Variants in UBE2K observed in about 807,000 individuals in gnomAD.
UBE2K encodes ubiquitin conjugating enzyme E2 K, also known as ubiquitin-conjugating enzyme E2 K.
UBE2K carries 6 observed loss-of-function variants against 30.0 expected under a neutral mutation model. That is an observed-to-expected ratio of 0.20 (90% CI 0.11 to 0.39). The LOEUF (loss-of-function observed/expected upper bound fraction) is 0.39. Among genes scored for constraint, UBE2K ranks in the 10% least tolerant of loss-of-function variants. UBE2K has a pLI of 1.00. For missense variants in UBE2K, 61 were observed against 241.6 expected (o/e 0.25, Z 4.96); for synonymous variants, 86 against 83.7 (o/e 1.03, Z -0.15).
chr4:39,740,952 T>C (rs1416853779), intron 2 of UBE2K, among the ~76,000 whole-genome samples: 1 of 150,010 alleles, frequency 6.7e-6, no homozygotes, highest in Admixed American at 6.7e-5. Flanking sequence ...ATACCGAGAA[T>C]GGGACCAAAA....
chr4:39,711,862 A>G (rs1305269094), intron 1 of UBE2K, among the ~76,000 whole-genome samples: 1 of 151,510 alleles, frequency 6.6e-6, no homozygotes, highest in Non-Finnish European at 1.5e-5. Context: ...CCATGGAGAA[A>G]CCTCGTCTCT....
chr4:39,778,320 C>A, intron 6 of UBE2K, 40 bp from the exon 7 acceptor site: 1 of 1,326,616 alleles, frequency 7.5e-7, no homozygotes, highest in South Asian at 1.2e-5. Context: ...TTAAATGTTT[C>A]CTTGAGATTT....
At chr4:39,707,881 A>G (rs1336522910) in intron 1 of UBE2K, among the ~76,000 whole-genome samples, 2 of 147,392 alleles carry the variant, frequency 1.4e-5, no homozygotes, top group African/African-American at 4.9e-5. Flanking sequence ...GACAGTCCCA[A>G]AGGAATTCTG....
chr4:39,741,697 ACTT>A (rs1255974187), intron 2 of UBE2K, among the ~76,000 whole-genome samples: 2 of 152,128 alleles, frequency 1.3e-5, no homozygotes, highest in African/African-American at 4.8e-5. Context: ...AATTTTCTTC[ACTT>A]CTTTTGCCTT....
intron 4 of UBE2K, among the ~76,000 whole-genome samples, chr4:39,763,891 T>A (rs1712139023): frequency 6.6e-6 from 1 of 152,102 alleles, no homozygotes; most frequent in Admixed American, 6.6e-5. Context: ...AGTCACGTGC[T>A]ACCACACTTG....
chr4:39,703,905 TTATC>T (rs939631109), intron 1 of UBE2K, among the ~76,000 whole-genome samples: 12 of 151,546 alleles, frequency 7.9e-5, no homozygotes, highest in African/African-American at 2.7e-4. Context: ...GTAAGATAAT[TTATC>T]TAAAGAATAA....
intron 1 of UBE2K, among the ~76,000 whole-genome samples, chr4:39,700,755 G>A (rs941505213): frequency 1.3e-5 from 2 of 152,166 alleles, no homozygotes; most frequent in Non-Finnish European, 2.9e-5. Context: ...TAAGAACACT[G>A]GTTGATTTAA....
intron 1 of UBE2K, among the ~76,000 whole-genome samples, chr4:39,734,126 GAC>G (rs991127638): frequency 8.9e-5 from 11 of 123,406 alleles, no homozygotes; most frequent in Admixed American, 2.9e-4. Flanking sequence ...TTTTTTTTGA[GAC>G]AGAGTCTCAC....
rs1309242738 is a variant in UBE2K, at chr4:39,698,281, G to C, written c.-47G>C. On this transcript the variant is annotated 5_prime_UTR_variant, in exon 1 of 7. Transcript: ENST00000261427. ...AGAGGTGGCGGCGGTGGCGGTGGTC[G>C]TAGCGGTGGCGGAGGAGGCGGGTAC... 1 of 1,584,400 alleles carries C rather than the reference G, an allele frequency of 6.3e-7. No homozygotes were observed. The highest frequency in any genetic ancestry group is 8.6e-7 in the Non-Finnish European group (1 of 1,161,990).
At chr4:39,773,362 T>C (rs1242145309) in intron 4 of UBE2K, among the ~76,000 whole-genome samples, 7 of 151,516 alleles carry the variant, frequency 4.6e-5, no homozygotes, top group Non-Finnish European at 1.0e-4. Context: ...CAGCTACTTG[T>C]GAGGCTGAGG....
chr4:39,719,451 C>G (rs1249347351), intron 1 of UBE2K, among the ~76,000 whole-genome samples: 1 of 152,062 alleles, frequency 6.6e-6, no homozygotes, highest in Non-Finnish European at 1.5e-5. Flanking sequence ...ATGTAGAAGC[C>G]TTAGTAATTT....
At chr4:39,777,936 ATC>A in intron 6 of UBE2K, 126 bp downstream of exon 6, 2 of 873,732 alleles carry the variant, frequency 2.3e-6, no homozygotes, top group Non-Finnish European at 3.2e-6. Flanking sequence ...GGCGAAACCC[ATC>A]TCTACAAAAA....
intron 3 of UBE2K, among the ~76,000 whole-genome samples, chr4:39,752,479 GGCGCCCGCCACC>G (rs898787250): frequency 1.3e-4 from 20 of 152,026 alleles, no homozygotes; most frequent in Middle Eastern, 3.4e-3. Flanking sequence ...TGGGACTACA[GGCGCCCGCCACC>G]GCGCCCGGCT....
At chr4:39,742,138 C>G (rs1447125690) in intron 2 of UBE2K, among the ~76,000 whole-genome samples, 1 of 151,742 alleles carries the variant, frequency 6.6e-6, no homozygotes, top group African/African-American at 2.4e-5. Flanking sequence ...TAACAAAGAA[C>G]TTTGTATGAT....
chr4:39,757,017 T>G (rs1721562708), intron 4 of UBE2K, among the ~76,000 whole-genome samples: 1 of 103,336 alleles, frequency 9.7e-6, no homozygotes, highest in Non-Finnish European at 1.9e-5. Context: ...TTTTGTTTTT[T>G]GTTTTTTGTT....
intron 4 of UBE2K, among the ~76,000 whole-genome samples, chr4:39,759,458 A>G (rs937200978): frequency 6.6e-6 from 1 of 151,904 alleles, no homozygotes; most frequent in Non-Finnish European, 1.5e-5. Flanking sequence ...ATTTTTTTCT[A>G]TTTTTAGTAG....
At chr4:39,769,372 T>G (rs1712587164) in intron 4 of UBE2K, among the ~76,000 whole-genome samples, 1 of 151,610 alleles carries the variant, frequency 6.6e-6, no homozygotes, top group Non-Finnish European at 1.5e-5. Context: ...ACAGCCCTTC[T>G]TGTGTTCTTT....
chr4:39,707,405 A>T (rs2109307332), intron 1 of UBE2K, among the ~76,000 whole-genome samples: 1 of 150,218 alleles, frequency 6.7e-6, no homozygotes, highest in Non-Finnish European at 1.5e-5. Flanking sequence ...TGGGGTTTCT[A>T]GCCAGGCTGG....
intron 4 of UBE2K, chr4:39,770,796 G>GC (rs1243665023): frequency 1.3e-6 from 2 of 1,566,426 alleles, no homozygotes; most frequent in African/African-American, 2.7e-5. Context: ...GATGTCCAGG[G>GC]CCGACTCCAC....
Sources: allele counts gnomAD v4.1 joint callset (sites outside exome capture counted in the v4.1 genomes callset), GRCh38; gene constraint gnomAD v4.1.1; transcripts MANE v1.5; gene names NCBI Gene and HGNC (gene_info 2026-07-23, HGNC 2026-07-21).